The following TRDN variants were observed in gnomAD, a reference collection of about 807,000 sequenced individuals.
TRDN encodes the protein triadin in skeletal muscle.
A neutral mutation model predicts 149.7 loss-of-function variants in TRDN; 161 were observed. The ratio of observed to expected loss-of-function variants is 1.08; its 90% CI spans 0.95 to 1.23. The LOEUF is 1.23. TRDN is among the 50% of genes most tolerant of loss of function. TRDN has a pLI of 0.00. For synonymous variants in TRDN, 294 were observed against 250.5 expected, an observed-to-expected ratio of 1.17 and a Z score of -1.64; for missense variants, 896 against 823.5, an observed-to-expected ratio of 1.09 and a Z score of -1.08.
intron 2 of TRDN, among the ~76,000 whole-genome samples, chr6:123,549,566 C>A (rs1247197028): frequency 6.6e-6 from 1 of 152,048 alleles, no homozygotes; most frequent in East Asian, 1.9e-4. Flanking sequence ...ATGTATTATA[C>A]TACCTAAAGG....
chr6:123,361,382 G>A (rs1013038481), intron 20 of TRDN, among the ~76,000 whole-genome samples: 2 of 152,030 alleles, frequency 1.3e-5, no homozygotes, highest in Admixed American at 1.3e-4. Context: ...GTGGGTGGGG[G>A]GCAAAGGGAG....
intron 23 of TRDN, among the ~76,000 whole-genome samples, chr6:123,330,000 A>G (rs978944336): frequency 1.3e-5 from 2 of 152,056 alleles, no homozygotes; most frequent in Non-Finnish European, 2.9e-5. Context: ...CCCATCACTA[A>G]TATCTCTAAC....
At chr6:123,285,989 T>C (rs922264589) in intron 24 of TRDN, among the ~76,000 whole-genome samples, 3 of 152,044 alleles carry the variant, frequency 2.0e-5, no homozygotes, top group African/African-American at 7.2e-5. Flanking sequence ...ACCTTACTCC[T>C]GCAAGAATGG....
At chr6:123,404,656 G>C (rs1773121529) in intron 12 of TRDN, among the ~76,000 whole-genome samples, 3 of 151,942 alleles carry the variant, frequency 2.0e-5, no homozygotes, top group Admixed American at 2.0e-4. Context: ...CGTTGGCCAG[G>C]TTTGTTTCGA....
At chr6:123,468,637 G>A (rs1776973989) in intron 9 of TRDN, among the ~76,000 whole-genome samples, 1 of 152,162 alleles carries the variant, frequency 6.6e-6, no homozygotes, top group South Asian at 2.1e-4. Context: ...GCTGAATTAT[G>A]ATTGCATGAT....
chr6:123,221,531 T>C lies in TRDN; in HGVS notation c.2015-9A>G, dbSNP rs774914841. The C allele has an allele frequency of 3.9e-6, 6 of 1,546,376 alleles. No homozygotes were observed. Among genetic ancestry groups the C allele is most frequent in the Non-Finnish European group, 5.3e-6 (6 of 1,128,854 alleles). ...CACATCTTCAGTTCCTTCTAGTGGA[T>C]AAAAAATATAAAAGTAAATAACTTG... On this transcript the variant is annotated splice_polypyrimidine_tract_variant and intron_variant, in intron 39 of 40. Transcript: ENST00000334268.
chr6:123,278,946 CAA>C lies in TRDN; in HGVS notation c.1537+108_1537+109del, dbSNP rs548148318. ...CACAAAACAAGCCTTTGACTTTAAGCAAAATATTCAACATGAAATCAAGATAA... is the reference window on the plus strand; with the variant it reads ...CACAAAACAAGCCTTTGACTTTAAGCAATATTCAACATGAAATCAAGATAA... On this transcript the variant is annotated intron_variant, in intron 25 of 40. Coordinates refer to ENST00000334268, the MANE Select transcript of TRDN (RefSeq NM_006073.4). 3.2e-4 allele frequency: 331 copies of C among 1,037,592 alleles called. 2 individuals are homozygous for C. The South Asian group carries it at 4.8e-3, about 15-fold the overall frequency. The allele number at this position is 1,037,592 out of a possible 1,614,324, so 64.3% of individuals were successfully genotyped here.
chr6:123,281,846 T>C (rs983387149), intron 24 of TRDN, among the ~76,000 whole-genome samples: 2 of 152,046 alleles, frequency 1.3e-5, no homozygotes, highest in African/African-American at 4.8e-5. Context: ...TCACATAACA[T>C]CTCTCTAGTT....
chr6:123,421,310 T>C (rs1457608426), intron 12 of TRDN, among the ~76,000 whole-genome samples: 1 of 152,176 alleles, frequency 6.6e-6, no homozygotes, highest in East Asian at 1.9e-4. Context: ...CTACTATTTC[T>C]CTTGGTCTCT....
chr6:123,450,371 TA>T (rs1214225008), intron 10 of TRDN, among the ~76,000 whole-genome samples: 1 of 151,712 alleles, frequency 6.6e-6, no homozygotes, highest in Non-Finnish European at 1.5e-5. Flanking sequence ...CACATAAACT[TA>T]AAGGAAAGGG....
At chr6:123,437,339 A>G in intron 12 of TRDN, 1 of 324,122 alleles carries the variant, frequency 3.1e-6, no homozygotes, top group Non-Finnish European at 5.9e-6. Context: ...AAACTGGAAA[A>G]CTTGTCACTG....
At chr6:123,488,792 A>T (rs1030173488) in intron 9 of TRDN, 17 of 151,282 alleles carry the variant, frequency 1.1e-4, no homozygotes, top group Non-Finnish European at 2.4e-4. Flanking sequence ...TGGGAAACAG[A>T]TAGATTTGGT....
intron 12 of TRDN, among the ~76,000 whole-genome samples, chr6:123,398,459 A>AT (rs1562294633): frequency 6.6e-6 from 1 of 152,144 alleles, no homozygotes; most frequent in Non-Finnish European, 1.5e-5. Context: ...TACATCCTTT[A>AT]TTTTTTGCAT....
intron 8 of TRDN, chr6:123,498,096 G>C (rs956936060): frequency 8.3e-5 from 13 of 156,700 alleles, no homozygotes; most frequent in African/African-American, 3.1e-4. Flanking sequence ...AATCTTTACC[G>C]TATCTGCTTT....
chr6:123,524,787 A>G (rs1300596728), intron 5 of TRDN, among the ~76,000 whole-genome samples: 1 of 152,156 alleles, frequency 6.6e-6, no homozygotes, highest in East Asian at 1.9e-4. Context: ...TTCCATAAGC[A>G]TAGTAACTTT....
chr6:123,601,000 C>G (rs1784250249), intron 1 of TRDN, among the ~76,000 whole-genome samples: 1 of 151,950 alleles, frequency 6.6e-6, no homozygotes, highest in Non-Finnish European at 1.5e-5. Flanking sequence ...TATGAAAATA[C>G]TTGGAAAAAC....
At chr6:123,459,795 A>T (rs755518399) in intron 10 of TRDN, among the ~76,000 whole-genome samples, 12 of 152,306 alleles carry the variant, frequency 7.9e-5, no homozygotes, top group Admixed American at 3.9e-4. Flanking sequence ...CTTAATTGCC[A>T]TTTTAGGATA....
At position 123,216,546 on chromosome 6, in the gene TRDN, TGAAA is replaced by T. The variant is rs1211667207; in HGVS notation, c.*2051_*2054del. On this transcript the variant is annotated 3_prime_UTR_variant, in exon 41 of 41. Coordinates refer to ENST00000334268, the MANE Select transcript of TRDN (RefSeq NM_006073.4). ...TATCAAATAGTTTTTATATTGAGAGTGAAAGAAACAGTAAAATAGTCAGAGGAAA... is the reference window on the plus strand; with the variant it reads ...TATCAAATAGTTTTTATATTGAGAGTGAAACAGTAAAATAGTCAGAGGAAA... 43 of 151,746 alleles carry T rather than the reference TGAAA, an allele frequency of 2.8e-4. 1 individual carries two copies. Among genetic ancestry groups the T allele is most frequent in the African/African-American group, 9.9e-4 (41 of 41,436 alleles). 9.4% of individuals were successfully genotyped at this position (151,746 alleles called of 1,614,324 possible).
intron 33 of TRDN, among the ~76,000 whole-genome samples, chr6:123,262,958 AC>A (rs67713706): frequency 0.6 from 90,716 of 151,774 alleles, 27,550 homozygotes; most frequent in Admixed American, 0.67. Context: ...CCAGTTAGTA[AC>A]CTAAAATGGC....
Sources: gnomAD v4.1 joint callset for allele counts (sites outside exome capture counted in the v4.1 genomes callset) on GRCh38, gnomAD v4.1.1 for gene constraint, MANE v1.5 for transcripts, NCBI Gene and HGNC (gene_info 2026-07-23, HGNC 2026-07-21) for gene names.